RUFY4: variants seen among roughly 807,000 people sequenced by gnomAD.
RUFY4 encodes the protein RUN and FYVE domain containing 4.
In RUFY4, 73 loss-of-function variants were observed where a neutral mutation model predicts 69.0. That is an observed-to-expected ratio of 1.06 (90% CI 0.88 to 1.29). The LOEUF is 1.29. Among genes scored for constraint, RUFY4 ranks in the 50% most tolerant of loss-of-function variants. The pLI is 0.00. For synonymous variants in RUFY4, 287 were observed against 271.8 expected, an observed-to-expected ratio of 1.06 and a Z score of -0.55; for missense variants, 770 against 705.6, an observed-to-expected ratio of 1.09 and a Z score of -1.03.
At chr2:218,060,077 C>A in intron 3 of RUFY4, 152 of 279,186 alleles carry the variant, frequency 5.4e-4, no homozygotes, top group South Asian at 3.7e-3. Flanking sequence ...CTTCTTAGAA[C>A]ATAGAGTGCC....
chr2:218,088,432 T>C (rs1174933231), intron 9 of RUFY4, among the ~76,000 whole-genome samples: 1 of 143,436 alleles, frequency 7.0e-6, no homozygotes, highest in Non-Finnish European at 1.5e-5. Flanking sequence ...CACTACAGCC[T>C]GGGCAACAGA....
chr2:218,068,080 C>T (rs189933661), upstream of RUFY4, among the ~76,000 whole-genome samples: 4 of 141,746 alleles, frequency 2.8e-5, no homozygotes, highest in South Asian at 2.4e-4. Context: ...CCAGCTCAGA[C>T]CTGGAGGAGG....
chr2:218,059,061 G>C (rs192243120), intron 3 of RUFY4: 1 of 152,236 alleles, frequency 6.6e-6, no homozygotes, highest in African/African-American at 2.4e-5. Flanking sequence ...TTCTTGTAAA[G>C]ACTCTCACCC....
At chr2:218,055,975 GA>G (rs1410499987) in intron 2 of RUFY4, among the ~76,000 whole-genome samples, 1 of 152,188 alleles carries the variant, frequency 6.6e-6, no homozygotes, top group African/African-American at 2.4e-5. Context: ...TAGGTAACTT[GA>G]CAGAATCTGA....
intron 3 of RUFY4, chr2:218,060,920 C>T (rs375987697): frequency 2.1e-6 from 2 of 973,956 alleles, no homozygotes; most frequent in African/African-American, 3.2e-5. Context: ...TCCACAAACC[C>T]AGACATATGA....
In RUFY4 at chr2:218,076,423, A is replaced by G. The variant is rs945416751; in HGVS notation, c.1249-4A>G. 16 of 1,548,900 alleles carry G rather than the reference A, an allele frequency of 1.0e-5. No homozygotes were observed. The highest frequency in any genetic ancestry group is 1.4e-5 in the African/African-American group (1 of 72,876). ...CCTCCTTCTCCCCTCCTTCCACCCC[A>G]CAGAGCCTCAGACTTGGGCTCCGGA... On this transcript the variant is annotated splice_polypyrimidine_tract_variant and splice_region_variant and intron_variant, in intron 7 of 10. Coordinates refer to ENST00000344321, the Ensembl canonical transcript of RUFY4.
chr2:218,045,216 T>C (rs1384396537), intron 2 of RUFY4, among the ~76,000 whole-genome samples: 1 of 152,252 alleles, frequency 6.6e-6, no homozygotes, highest in Non-Finnish European at 1.5e-5. Flanking sequence ...TTGAGCTTTT[T>C]TCATATGATA....
chr2:218,089,243 C>T lies in RUFY4; in HGVS notation c.1503-9C>T, dbSNP rs1182427478. The T allele has an allele frequency of 1.2e-6, 2 of 1,607,496 alleles. No individual in the cohort carries two copies. Among genetic ancestry groups the T allele is most frequent in the Non-Finnish European group, 1.7e-6 (2 of 1,174,568 alleles). The stretch of plus-strand genomic sequence containing the variant: ...TGTCTGTGTCTCTCCACCTTCATCC[C>T]CCCATCAGAGAGAAGGACCGCCTGT... On this transcript the variant is annotated splice_polypyrimidine_tract_variant and intron_variant, in intron 9 of 10. Coordinates refer to ENST00000344321, the Ensembl canonical transcript of RUFY4.
chr2:218,066,177 C>CTTTTTT (rs58665951), upstream of RUFY4, among the ~76,000 whole-genome samples: 49 of 74,446 alleles, frequency 6.6e-4, no homozygotes, highest in Admixed American at 2.0e-3. Flanking sequence ...CTTTTCTTTT[C>CTTTTTT]TTTTTTTTTT....
chr2:218,083,375 T>C, intron 9 of RUFY4, 119 bp downstream of exon 11: 2 of 1,314,324 alleles, frequency 1.5e-6, no homozygotes, highest in Non-Finnish European at 1.0e-6. Flanking sequence ...AGACCTTTTA[T>C]ATAAGCTAAC....
intron 2 of RUFY4, among the ~76,000 whole-genome samples, chr2:218,036,459 G>A (rs1468894027): frequency 1.3e-5 from 2 of 152,212 alleles, no homozygotes; most frequent in Non-Finnish European, 2.9e-5. Context: ...GTGAGAACGA[G>A]TGAGTCTAGA....
At chr2:218,042,127 C>A (rs1472516164) in intron 2 of RUFY4, among the ~76,000 whole-genome samples, 3 of 152,130 alleles carry the variant, frequency 2.0e-5, no homozygotes, top group Non-Finnish European at 2.9e-5. Flanking sequence ...CTGGTGGGAA[C>A]CACCACATGA....
At chr2:218,063,440 G>A (rs1002669721) in intron 3 of RUFY4, among the ~76,000 whole-genome samples, 9 of 152,204 alleles carry the variant, frequency 5.9e-5, no homozygotes, top group Non-Finnish European at 1.2e-4. Flanking sequence ...TGTAAGATGG[G>A]GCAGCTGCTT....
At chr2:218,073,917 C>T (rs759789764) in intron 6 of RUFY4, 32 bp downstream of exon 8, 1 of 1,607,678 alleles carries the variant, frequency 6.2e-7, no homozygotes, top group South Asian at 1.1e-5. Flanking sequence ...TCTGAGTTGC[C>T]TCTTCCCCAT....
intron 8 of RUFY4, among the ~76,000 whole-genome samples, chr2:218,079,051 T>A (rs1318806300): frequency 6.6e-6 from 1 of 152,126 alleles, no homozygotes. Flanking sequence ...GTATTTTTAG[T>A]AGAGATGGGG....
upstream of RUFY4, chr2:218,069,450 A>C (rs1689427713): frequency 6.6e-6 from 1 of 152,044 alleles, no homozygotes; most frequent in Non-Finnish European, 1.5e-5. Flanking sequence ...AGAGGAGGAG[A>C]CACATGGAGC....
intron 2 of RUFY4, among the ~76,000 whole-genome samples, chr2:218,057,957 G>T (rs900484509): frequency 1.3e-5 from 2 of 152,128 alleles, no homozygotes; most frequent in African/African-American, 4.8e-5. Context: ...TGTAAATAAG[G>T]CTGCAATGAA....
chr2:218,053,346 CTTTT>C (rs35134006), intron 2 of RUFY4, among the ~76,000 whole-genome samples: 5 of 135,170 alleles, frequency 3.7e-5, no homozygotes, highest in Admixed American at 7.5e-5. Context: ...GATATTAAAC[CTTTT>C]TTTTTTTTTT....
intron 10 of RUFY4, 93 bp from the exon 13 acceptor site, chr2:218,089,859 C>A: frequency 2.3e-6 from 2 of 858,008 alleles, no homozygotes; most frequent in Non-Finnish European, 1.9e-6. Flanking sequence ...CTCAGGTGGA[C>A]CTGAAGATGC....
Sources: allele counts gnomAD v4.1 joint callset (sites outside exome capture counted in the v4.1 genomes callset), GRCh38; gene constraint gnomAD v4.1.1; transcripts MANE v1.5; gene names NCBI Gene and HGNC (gene_info 2026-07-23, HGNC 2026-07-21).